Variants in ANKFN1 observed in about 807,000 individuals in gnomAD.
The protein encoded by ANKFN1 is ankyrin repeat and fibronectin type III domain containing 1, also known as ankyrin repeat and fibronectin type-III domain-containing protein 1.
In ANKFN1, 74 loss-of-function variants were observed where a neutral mutation model predicts 108.7. The ratio of observed to expected loss-of-function variants is 0.68; its 90% CI spans 0.56 to 0.83. ANKFN1 has a LOEUF of 0.83. ANKFN1 is among the 40% of genes least tolerant of loss of function. The pLI is 0.00. For synonymous variants in ANKFN1, 547 were observed against 516.2 expected (o/e 1.06, Z -0.81); for missense variants, 1,505 against 1,382.3 (o/e 1.09, Z -1.41).
rs1263981300 is a variant in ANKFN1, at chr17:56,326,362, C to T, written c.188+7C>T. ...CCTCGAACAGCATAAACTGGTAAGT[C>T]AAATTTACTGTTGTCTTTCTTCATG... On this transcript the variant is annotated splice_region_variant and intron_variant, in intron 4 of 20. Coordinates refer to ENST00000682825, the MANE Select transcript of ANKFN1 (RefSeq NM_001370326.1). The T allele has an allele frequency of 6.2e-7, 1 of 1,605,042 alleles. No homozygotes were observed. Among genetic ancestry groups the T allele is most frequent in the Non-Finnish European group, 8.5e-7 (1 of 1,177,118 alleles).
intron 3 of ANKFN1, among the ~76,000 whole-genome samples, chr17:56,245,279 T>C (rs977664778): frequency 4.6e-5 from 7 of 152,036 alleles, no homozygotes; most frequent in African/African-American, 1.7e-4. Flanking sequence ...TTTATAACTC[T>C]CATAAAGAGC....
chr17:56,356,057 T>A (rs896455746), intron 6 of ANKFN1, among the ~76,000 whole-genome samples: 1 of 152,174 alleles, frequency 6.6e-6, no homozygotes, highest in African/African-American at 2.4e-5. Flanking sequence ...TATGGTCTTC[T>A]GTGACTGGCT....
chr17:56,104,303 T>C (rs1377186281), intron 4 of ANKFN1, among the ~76,000 whole-genome samples: 1 of 152,236 alleles, frequency 6.6e-6, no homozygotes, highest in Non-Finnish European at 1.5e-5. Flanking sequence ...CTATTTCATT[T>C]TTTAAATAAT....
At chr17:56,271,870 G>A (rs555372765) in intron 3 of ANKFN1, among the ~76,000 whole-genome samples, 2 of 152,192 alleles carry the variant, frequency 1.3e-5, no homozygotes, top group East Asian at 3.9e-4. Flanking sequence ...CCCTCCCTGA[G>A]GCTGTTTCCT....
intron 4 of ANKFN1, among the ~76,000 whole-genome samples, chr17:56,336,498 A>G (rs2045813633): frequency 6.6e-6 from 1 of 152,082 alleles, no homozygotes; most frequent in African/African-American, 2.4e-5. Flanking sequence ...TTTCTAGTTT[A>G]TTTGTGTAGA....
At chr17:56,413,083 C>T (rs1410838145) in intron 8 of ANKFN1, among the ~76,000 whole-genome samples, 3 of 152,114 alleles carry the variant, frequency 2.0e-5, no homozygotes, top group African/African-American at 4.8e-5. Flanking sequence ...TCAAGTGCCT[C>T]GAAGCGTAAC....
chr17:56,071,144 A>G (rs1905117151), intron 4 of ANKFN1, among the ~76,000 whole-genome samples: 1 of 151,878 alleles, frequency 6.6e-6, no homozygotes, highest in African/African-American at 2.4e-5. Context: ...TGACATAGAA[A>G]CTCCTTTCTA....
chr17:56,077,403 T>C (rs1271650514), intron 4 of ANKFN1, among the ~76,000 whole-genome samples: 1 of 152,198 alleles, frequency 6.6e-6, no homozygotes, highest in Non-Finnish European at 1.5e-5. Context: ...AAAATTCAGC[T>C]GCAACCTATG....
intron 19 of ANKFN1, among the ~76,000 whole-genome samples, chr17:56,495,414 A>G (rs949357014): frequency 1.3e-5 from 2 of 151,996 alleles, no homozygotes; most frequent in Non-Finnish European, 2.9e-5. Flanking sequence ...AGCTCAGCCC[A>G]CCACACACCA....
chr17:56,351,055 T>C, intron 5 of ANKFN1, 88 bp downstream of exon 5: 1 of 1,356,548 alleles, frequency 7.4e-7, no homozygotes, highest in Middle Eastern at 2.0e-4. Context: ...TCATGTTTAC[T>C]TCAGAAGTTG....
intron 1 of ANKFN1, among the ~76,000 whole-genome samples, chr17:56,194,852 T>A (rs1913353517): frequency 6.6e-6 from 1 of 152,190 alleles, no homozygotes. Context: ...CCCTGTACCA[T>A]CTATCAATTT....
Position 56,140,659 on chromosome 17 carries a change from T to C in ANKFN1, c.289-87258T>C, listed in dbSNP as rs968383466. Among the ~76,000 whole-genome samples, 6 of 152,176 alleles carry C rather than the reference T, an allele frequency of 3.9e-5. No individual in the cohort carries two copies. In the East Asian group the frequency reaches 9.6e-4, roughly 24 times the overall value. The stretch of plus-strand genomic sequence containing the variant: ...TGTTCATCTAAAAAGAAGTGAATAT[T>C]CTAATAATGCCTGCATCATAGGATT... On this transcript the variant is annotated intron_variant, in intron 4 of 12. Coordinates refer to the ANKFN1 transcript ENST00000635860.
At chr17:56,467,755 G>GAAAC (rs1205614319) in intron 15 of ANKFN1, among the ~76,000 whole-genome samples, 1 of 27,988 alleles carries the variant, frequency 3.6e-5, no homozygotes, top group African/African-American at 1.4e-4. Flanking sequence ...AAGAAAGAAA[G>GAAAC]AAAGAAAGAA....
At chr17:56,439,128 G>A (rs2049018906) in intron 8 of ANKFN1, among the ~76,000 whole-genome samples, 1 of 152,202 alleles carries the variant, frequency 6.6e-6, no homozygotes, top group Non-Finnish European at 1.5e-5. Context: ...AAGCAAGCGA[G>A]ATGCCCAGGA....
At chr17:56,127,565 C>T (rs1183998472) in intron 4 of ANKFN1, among the ~76,000 whole-genome samples, 4 of 152,088 alleles carry the variant, frequency 2.6e-5, no homozygotes, top group Admixed American at 6.5e-5. Flanking sequence ...CCACTCACCT[C>T]GGCCTCCCAA....
intron 19 of ANKFN1, among the ~76,000 whole-genome samples, chr17:56,493,988 A>G (rs2051118805): frequency 6.6e-6 from 1 of 152,222 alleles, no homozygotes; most frequent in Non-Finnish European, 1.5e-5. Context: ...AGAGAATTCA[A>G]TGAGATAATA....
chr17:56,382,107 G>A (rs1169251546), intron 8 of ANKFN1, among the ~76,000 whole-genome samples: 1 of 152,206 alleles, frequency 6.6e-6, no homozygotes, highest in Non-Finnish European at 1.5e-5. Context: ...ACAAAAGGAA[G>A]CCCATCAGAC....
At chr17:56,433,902 T>A (rs1043321109) in intron 8 of ANKFN1, among the ~76,000 whole-genome samples, 5 of 152,162 alleles carry the variant, frequency 3.3e-5, no homozygotes, top group Admixed American at 6.5e-5. Context: ...ATCACTTTTT[T>A]AAGTCTCAGC....
At chr17:56,113,299 A>G (rs1414572936) in intron 4 of ANKFN1, among the ~76,000 whole-genome samples, 1 of 152,230 alleles carries the variant, frequency 6.6e-6, no homozygotes, top group African/African-American at 2.4e-5. Context: ...GAAACAAAAT[A>G]TAGTCATTGA....
Sources: gnomAD v4.1 joint callset for allele counts (sites outside exome capture counted in the v4.1 genomes callset) on GRCh38, gnomAD v4.1.1 for gene constraint, MANE v1.5 for transcripts, NCBI Gene and HGNC (gene_info 2026-07-23, HGNC 2026-07-21) for gene names.